The following AFF4 variants were observed in gnomAD, a reference collection of about 807,000 sequenced individuals.
The protein encoded by AFF4 is AF4/FMR2 family member 4.
AFF4 carries 13 observed loss-of-function variants against 124.8 expected under a neutral mutation model. The observed-to-expected ratio is 0.10, with a 90% CI of 0.07 to 0.17. AFF4 has a LOEUF of 0.17. AFF4 is among the 10% of genes least tolerant of loss of function. The pLI, the probability that AFF4 is intolerant of heterozygous loss-of-function variation, is 1.00. For missense variants in AFF4, 1,092 were observed against 1,403.8 expected (o/e 0.78, Z 3.55); for synonymous variants, 477 against 496.1 (o/e 0.96, Z 0.51).
intron 1 of AFF4, among the ~76,000 whole-genome samples, chr5:132,940,373 C>T (rs1379448039): frequency 1.4e-5 from 2 of 140,822 alleles, no homozygotes; most frequent in Non-Finnish European, 3.1e-5. Flanking sequence ...TGGCGGTGGG[C>T]GCCTGAAGTC....
At chr5:132,890,290 G>A (rs1328669079) in intron 13 of AFF4, among the ~76,000 whole-genome samples, 3 of 151,820 alleles carry the variant, frequency 2.0e-5, no homozygotes, top group Non-Finnish European at 4.4e-5. Context: ...ATTTGTTTGA[G>A]AAAGGGTCTC....
intron 3 of AFF4, among the ~76,000 whole-genome samples, chr5:132,933,397 CAA>C (rs1247209943): frequency 1.2e-4 from 14 of 115,524 alleles, no homozygotes; most frequent in Non-Finnish European, 1.3e-4. Flanking sequence ...AACTCCAACT[CAA>C]AAAAAAAAAA....
intron 1 of AFF4, among the ~76,000 whole-genome samples, chr5:132,956,705 T>G (rs1247149366): frequency 1.3e-5 from 2 of 148,970 alleles, no homozygotes; most frequent in Non-Finnish European, 3.0e-5. Context: ...CTAAAAAAAA[T>G]GATTTTTCTC....
chr5:132,899,086 AAAG>A lies in AFF4; in HGVS notation c.1226+15_1226+17del. The A allele has an allele frequency of 6.2e-7, 1 of 1,611,124 alleles. No individual in the cohort carries two copies. Among genetic ancestry groups the A allele is most frequent in the Non-Finnish European group, 8.5e-7 (1 of 1,177,648 alleles). ...ACCCAACTCTTACCAATAAAACAGA[AAAG>A]AAAAGGATGCCCACCTTCCTGGTGT... On this transcript the variant is annotated intron_variant, in intron 9 of 20. Transcript: ENST00000265343.
In AFF4 at chr5:132,937,117, C is replaced by T. The variant is rs200813877; in HGVS notation, c.73G>A (p.Glu25Lys). Residue 25 changes from glutamate (E) to lysine (K), a missense_variant, in exon 2 of 21, where the codon GAA becomes AAA. Coordinates refer to ENST00000265343, the MANE Select transcript of AFF4 (RefSeq NM_014423.4). The stretch of plus-strand genomic sequence containing the variant: ...GGAGAGCTAGGTGGGAAGGCGTCTT[C>T]GCCCTGCTGAATTTCCTGATTCCGC... The part of the protein sequence containing the change: ...ERRNQEIQQG[E>K]DAFPPSSPLF... 4.6e-5 allele frequency: 74 copies of T among 1,613,844 alleles called. No individual in the cohort carries two copies. Among genetic ancestry groups the T allele is most frequent in the Admixed American group, 1.0e-4 (6 of 60,008 alleles).
chr5:132,930,313 A>G (rs1037552254), intron 4 of AFF4, among the ~76,000 whole-genome samples: 1 of 152,240 alleles, frequency 6.6e-6, no homozygotes, highest in Admixed American at 6.5e-5. Context: ...AAGAGAAGGC[A>G]CAAGGGTTCC....
intron 17 of AFF4, among the ~76,000 whole-genome samples, 169 bp downstream of exon 17, chr5:132,887,352 A>C (rs1046229588): frequency 6.6e-6 from 1 of 152,246 alleles, no homozygotes; most frequent in African/African-American, 2.4e-5. Context: ...ACAACAACTC[A>C]AACCTTTCAG....
intron 1 of AFF4, among the ~76,000 whole-genome samples, chr5:132,939,992 G>A (rs62385348): frequency 6.6e-6 from 1 of 152,000 alleles, no homozygotes; most frequent in Non-Finnish European, 1.5e-5. Flanking sequence ...GAGGTAAGGA[G>A]TTCAAGACCA....
chr5:132,916,621 C>T (rs1313720969), intron 5 of AFF4, among the ~76,000 whole-genome samples: 5 of 152,262 alleles, frequency 3.3e-5, no homozygotes, highest in Admixed American at 6.5e-5. Flanking sequence ...CTTGGGAAGA[C>T]AGATTTGAGG....
chr5:132,941,608 T>C (rs1033673157), intron 1 of AFF4, among the ~76,000 whole-genome samples: 19 of 152,254 alleles, frequency 1.2e-4, no homozygotes, highest in African/African-American at 4.3e-4. Context: ...TGTGCTGGGA[T>C]TACAGGTGTG....
At chr5:132,931,136 C>T (rs1314273113) in intron 4 of AFF4, among the ~76,000 whole-genome samples, 1 of 148,522 alleles carries the variant, frequency 6.7e-6, no homozygotes, top group Middle Eastern at 3.7e-3. Context: ...TGTAAAGCAG[C>T]CGGGTGCAGT....
chr5:132,902,630 A>C, intron 6 of AFF4, 143 bp from the exon 7 acceptor site: 1 of 669,176 alleles, frequency 1.5e-6, no homozygotes, highest in South Asian at 1.8e-5. Context: ...CTTCAAGCCC[A>C]ATAATATGAG....
chr5:132,936,890 A>G (rs1761445129), intron 2 of AFF4, among the ~76,000 whole-genome samples, 177 bp downstream of exon 2: 1 of 152,230 alleles, frequency 6.6e-6, no homozygotes, highest in African/African-American at 2.4e-5. Context: ...TGTAAGCATA[A>G]TATACTCCAA....
chr5:132,886,167 ACCTCAAACTTATTTGAAAAGT>A lies in AFF4; in HGVS notation c.3099+122_3099+142del, dbSNP rs1354778407. The A allele has an allele frequency of 8.5e-5, 58 of 679,174 alleles. No homozygotes were observed. The African/African-American group carries it at 8.9e-4, about 10-fold the overall frequency. 42.1% of individuals were successfully genotyped at this position (679,174 alleles called of 1,614,324 possible). A position where few individuals can be genotyped will look rare whatever the true frequency, so the allele number is the denominator to read the frequency against. ...CACGTAGATTAAAAAACTCAAAGAA[ACCTCAAACTTATTTGAAAAGT>A]CCCAAACAGTAGCTCCTCCCCTGGT... On this transcript the variant is annotated intron_variant, in intron 18 of 20. Coordinates refer to ENST00000265343, the MANE Select transcript of AFF4 (RefSeq NM_014423.4).
chr5:132,909,305 C>G (rs994753664), intron 5 of AFF4, among the ~76,000 whole-genome samples: 10 of 151,772 alleles, frequency 6.6e-5, no homozygotes, highest in Admixed American at 3.9e-4. Flanking sequence ...CCACCACGCC[C>G]AGCTAATTTC....
intron 1 of AFF4, among the ~76,000 whole-genome samples, chr5:132,953,758 C>T (rs1181349953): frequency 1.3e-5 from 2 of 152,036 alleles, no homozygotes; most frequent in African/African-American, 4.8e-5. Context: ...AATCTCCCTC[C>T]TCACTTCTTT....
At chr5:132,910,081 TA>T (rs1428566833) in intron 5 of AFF4, among the ~76,000 whole-genome samples, 3 of 152,220 alleles carry the variant, frequency 2.0e-5, no homozygotes, top group African/African-American at 7.2e-5. Flanking sequence ...AAATGTTTGG[TA>T]CAGGCAAAAC....
At chr5:132,886,123 A>G (rs955707945) in intron 18 of AFF4, among the ~76,000 whole-genome samples, 187 bp downstream of exon 18, 1 of 152,236 alleles carries the variant, frequency 6.6e-6, no homozygotes, top group Admixed American at 6.5e-5. Context: ...CATGGCTATA[A>G]GAGTTCTACA....
intron 1 of AFF4, among the ~76,000 whole-genome samples, chr5:132,954,498 T>C (rs1018339269): frequency 3.3e-5 from 5 of 151,152 alleles, no homozygotes; most frequent in African/African-American, 1.2e-4. Context: ...TAGGGGTGGT[T>C]GCCCACGACC....
Sources: gnomAD v4.1 joint callset for allele counts (sites outside exome capture counted in the v4.1 genomes callset) on GRCh38, gnomAD v4.1.1 for gene constraint, MANE v1.5 for transcripts, NCBI Gene and HGNC (gene_info 2026-07-23, HGNC 2026-07-21) for gene names.